Variants in KLRF1 observed in about 807,000 individuals in gnomAD.
KLRF1 encodes the protein killer cell lectin like receptor F1.
KLRF1 carries 27 observed loss-of-function variants against 30.7 expected under a neutral mutation model. The ratio of observed to expected loss-of-function variants is 0.88; its 90% confidence interval spans 0.65 to 1.21. The LOEUF (loss-of-function observed/expected upper bound fraction) is 1.21, where lower values mean the gene tolerates loss of function less well. KLRF1 is among the 50% of genes most tolerant of loss of function. KLRF1 has a pLI of 0.00. For synonymous variants in KLRF1, 92 were observed against 89.3 expected (o/e 1.03, Z -0.17); for missense variants, 246 against 259.3 (o/e 0.95, Z 0.35).
At chr12:9,832,685 GT>G (rs1565505471) in intron 2 of KLRF1, among the ~76,000 whole-genome samples, 6 of 149,214 alleles carry the variant, frequency 4.0e-5, no homozygotes, top group Admixed American at 1.3e-4. Flanking sequence ...GTGTGTGTGT[GT>G]GTATGTGTGT....
chr12:9,814,601 GCCCCACCTA>G, the KLRF1 span, among the ~76,000 whole-genome samples: 1 of 152,038 alleles, frequency 6.6e-6, no homozygotes, highest in Non-Finnish European at 1.5e-5. Flanking sequence ...CTGCTCGCAA[GCCCCACCTA>G]CCACAGCCTG....
In KLRF1 at chr12:9,844,546, T is replaced by A. The variant is rs764703367; in HGVS notation, c.*20T>A. On this transcript the variant is annotated 3_prime_UTR_variant, in exon 6 of 6. Transcript: ENST00000617889. ...TATTAGAGTTTGACAAAATTCACAG[T>A]GAAATAATCAATGATCACTATTTTT... 1 of 1,303,850 alleles carries A rather than the reference T, an allele frequency of 7.7e-7. No homozygotes were observed. Among genetic ancestry groups the A allele is most frequent in the Non-Finnish European group, 1.1e-6 (1 of 904,640 alleles). 80.8% of individuals were successfully genotyped at this position (1,303,850 alleles called of 1,614,324 possible).
At chr12:9,806,398 T>C in the KLRF1 span, among the ~76,000 whole-genome samples, 1 of 152,108 alleles carries the variant, frequency 6.6e-6, no homozygotes, top group Non-Finnish European at 1.5e-5. Context: ...AGACATAATT[T>C]ATATGATTTC....
At chr12:9,805,677 A>T in the KLRF1 span, among the ~76,000 whole-genome samples, 1 of 151,746 alleles carries the variant, frequency 6.6e-6, no homozygotes, top group African/African-American at 2.4e-5. Context: ...AAGTTTTAAA[A>T]CCACTGATTT....
intron 3 of KLRF1, among the ~76,000 whole-genome samples, chr12:9,834,804 C>T (rs1423687883): frequency 6.6e-6 from 1 of 151,988 alleles, no homozygotes; most frequent in Non-Finnish European, 1.5e-5. Context: ...TGTCATACAC[C>T]AGGCCAGATT....
intron 5 of KLRF1, among the ~76,000 whole-genome samples, chr12:9,842,847 A>G (rs1867735783): frequency 6.6e-6 from 1 of 152,152 alleles, no homozygotes; most frequent in Non-Finnish European, 1.5e-5. Context: ...AAATGCATGG[A>G]ATTATTGATT....
In KLRF1 at chr12:9,842,293, T is replaced by C. The variant is rs1221315151; in HGVS notation, c.475-28T>C. On this transcript the variant is annotated intron_variant, in intron 4 of 5. Transcript: ENST00000617889. ...GTGTCTGAATTGCTAAAATATTTTGTTCATTTAGTCCCTCGTCCACATTTT... is the reference window on the plus strand; with the variant it reads ...GTGTCTGAATTGCTAAAATATTTTGCTCATTTAGTCCCTCGTCCACATTTT... 1.9e-6 allele frequency: 3 copies of C among 1,604,700 alleles called. No individual in the cohort carries two copies. In the Admixed American group the frequency reaches 5.1e-5, roughly 27 times the overall value.
At chr12:9,835,828 G>C (rs976515829) in intron 3 of KLRF1, among the ~76,000 whole-genome samples, 3 of 152,060 alleles carry the variant, frequency 2.0e-5, no homozygotes, top group Admixed American at 2.0e-4. Flanking sequence ...AATATGGGGG[G>C]AGTAGAGTTG....
chr12:9,812,482 AG>A, the KLRF1 span, among the ~76,000 whole-genome samples: 1 of 151,950 alleles, frequency 6.6e-6, no homozygotes, highest in Non-Finnish European at 1.5e-5. Context: ...CGCTGGCATC[AG>A]GCAATCTGTC....
intron 3 of KLRF1, among the ~76,000 whole-genome samples, chr12:9,836,195 A>G (rs1867572334): frequency 6.6e-6 from 1 of 152,020 alleles, no homozygotes; most frequent in Admixed American, 6.6e-5. Context: ...CCTTCATTCT[A>G]TTAGGTCTGT....
chr12:9,817,419 T>C, the KLRF1 span: 1 of 424,812 alleles, frequency 2.4e-6, no homozygotes, highest in Middle Eastern at 6.2e-4. Context: ...TCTGGTAGCT[T>C]TTTATCACAG....
the KLRF1 span, among the ~76,000 whole-genome samples, chr12:9,816,756 C>T: frequency 8.7e-5 from 12 of 137,576 alleles, no homozygotes; most frequent in East Asian, 4.3e-4. Context: ...TTTTTTGAGA[C>T]GGAGTCTCAC....
intron 1 of KLRF1, among the ~76,000 whole-genome samples, chr12:9,828,084 ATT>A (rs60102859): frequency 6.8e-6 from 1 of 146,358 alleles, no homozygotes; most frequent in Admixed American, 6.8e-5. Context: ...TTTTAATGCT[ATT>A]TTTTTTTTTT....
chr12:9,811,046 G>A, the KLRF1 span, among the ~76,000 whole-genome samples: 136 of 152,178 alleles, frequency 8.9e-4, no homozygotes, highest in African/African-American at 3.2e-3. Flanking sequence ...AGTGTTTCCT[G>A]TGGGCCGGAT....
At chr12:9,811,234 C>G in the KLRF1 span, among the ~76,000 whole-genome samples, 1 of 138,438 alleles carries the variant, frequency 7.2e-6, no homozygotes, top group Non-Finnish European at 1.5e-5. Flanking sequence ...GATTTGCAAG[C>G]AGGATTGCCA....
chr12:9,811,239 T>C, the KLRF1 span, among the ~76,000 whole-genome samples: 1 of 131,790 alleles, frequency 7.6e-6, no homozygotes, highest in African/African-American at 2.9e-5. Context: ...GCAAGCAGGA[T>C]TGCCAAAGGA....
chr12:9,800,085 G>A, the KLRF1 span, among the ~76,000 whole-genome samples: 139 of 152,110 alleles, frequency 9.1e-4, no homozygotes, highest in African/African-American at 3.2e-3. Flanking sequence ...ATAAGTTGTC[G>A]ACTCATTTGG....
Position 9,844,321 on chromosome 12 carries a change from G to C in KLRF1, c.588-97G>C, listed in dbSNP as rs1462896647. 13 of 652,060 alleles carry C rather than the reference G, an allele frequency of 2.0e-5. No individual in the cohort carries two copies. In the Admixed American group the frequency reaches 3.2e-4, roughly 16 times the overall value. The allele number at this position is 652,060 out of a possible 1,614,324, so 40.4% of individuals were successfully genotyped here. On this transcript the variant is annotated intron_variant, in intron 5 of 5. Transcript: ENST00000617889. The stretch of plus-strand genomic sequence containing the variant: ...GTATGTAAAAATGCTTTGAGATTTT[G>C]AATTACTTTTTTATTTAAAAGAGGA...
At chr12:9,825,001 C>T (rs996718873), upstream of KLRF1, among the ~76,000 whole-genome samples, 1 of 152,134 alleles carries the variant, frequency 6.6e-6, no homozygotes, top group African/African-American at 2.4e-5. Context: ...ATTCCATGCT[C>T]ATGGATCAGA....
Sources: gnomAD v4.1 joint callset for allele counts (sites outside exome capture counted in the v4.1 genomes callset) on GRCh38, gnomAD v4.1.1 for gene constraint, MANE v1.5 for transcripts, NCBI Gene and HGNC (gene_info 2026-07-23, HGNC 2026-07-21) for gene names.